The following TPD52 variants were observed in gnomAD, a reference collection of about 807,000 sequenced individuals.
TPD52 encodes the protein tumor protein D52, also known as prostate and colon associated protein.
TPD52 carries 17 observed loss-of-function variants against 31.3 expected under a neutral mutation model. That is an observed-to-expected ratio of 0.54 (90% CI 0.37 to 0.82). The LOEUF (loss-of-function observed/expected upper bound fraction) is 0.82, where lower values mean the gene tolerates loss of function less well. Among genes scored for constraint, TPD52 ranks in the 40% least tolerant of loss-of-function variants. The pLI is 0.00. For missense variants in TPD52, 212 were observed against 240.1 expected, an observed-to-expected ratio of 0.88 and a Z score of 0.77; for synonymous variants, 83 against 89.6, an observed-to-expected ratio of 0.93 and a Z score of 0.42.
chr8:80,165,757 A>G (rs1299644781), intron 1 of TPD52, among the ~76,000 whole-genome samples: 1 of 152,188 alleles, frequency 6.6e-6, no homozygotes, highest in Non-Finnish European at 1.5e-5. Flanking sequence ...CACTTCCTTG[A>G]GTCTTCATTC....
intron 1 of TPD52, among the ~76,000 whole-genome samples, chr8:80,133,910 T>C (rs1243340439): frequency 2.6e-5 from 4 of 152,142 alleles, no homozygotes; most frequent in Non-Finnish European, 5.9e-5. Context: ...GTTTATATTG[T>C]AGCAAGTCAG....
intron 5 of TPD52, among the ~76,000 whole-genome samples, chr8:80,049,427 A>G (rs2130496921): frequency 6.6e-6 from 1 of 152,328 alleles, no homozygotes; most frequent in Admixed American, 6.5e-5. Context: ...TTTTTTAAGC[A>G]TAATTTTAGC....
At position 80,035,321 on chromosome 8, in the gene TPD52, C is replaced by T. The variant is rs1461315344; in HGVS notation, c.*2795G>A. On this transcript the variant is annotated 3_prime_UTR_variant, in exon 8 of 8. Coordinates refer to ENST00000518937, the MANE Select transcript of TPD52 (RefSeq NM_001025253.3). ...ACACAAACATCATTCTGACAAATGA[C>T]CTTAATGTAGGATCTCTTTGGACAC... 1 of 152,160 alleles carries T rather than the reference C, an allele frequency of 6.6e-6. No individual in the cohort carries two copies. The highest frequency in any genetic ancestry group is 1.5e-5 in the Non-Finnish European group (1 of 68,022). The allele number at this position is 152,160 out of a possible 1,614,324, so 9.4% of individuals were successfully genotyped here. A position where few individuals can be genotyped will look rare whatever the true frequency, so the allele number is the denominator to read the frequency against.
In TPD52 at chr8:80,171,464, T is replaced by C. The variant is rs2131301120; in HGVS notation, c.-21A>G. 6.3e-7 allele frequency: 1 copy of C among 1,582,052 alleles called. No homozygotes were observed. Among genetic ancestry groups the C allele is most frequent in the South Asian group, 1.1e-5 (1 of 89,336 alleles). The stretch of plus-strand genomic sequence containing the variant: ...TCCATGTCTCCAGCCCGCCGCCTCG[T>C]GTCCTCTGCAGCACCCCCGCCTGCA... On this transcript the variant is annotated 5_prime_UTR_variant, in exon 1 of 8. Coordinates refer to ENST00000518937, the MANE Select transcript of TPD52 (RefSeq NM_001025253.3).
chr8:80,058,186 A>C (rs746012991), intron 2 of TPD52, among the ~76,000 whole-genome samples: 4 of 152,334 alleles, frequency 2.6e-5, no homozygotes, highest in Non-Finnish European at 5.9e-5. Context: ...CATTTTGGCC[A>C]TGTTGCTATA....
intron 1 of TPD52, among the ~76,000 whole-genome samples, chr8:80,118,239 G>A (rs1401914360): frequency 6.6e-6 from 1 of 152,120 alleles, no homozygotes; most frequent in Non-Finnish European, 1.5e-5. Flanking sequence ...TGGTGCTGGG[G>A]AAAATGGATA....
intron 2 of TPD52, among the ~76,000 whole-genome samples, chr8:80,056,301 T>C (rs1281731060): frequency 6.6e-6 from 1 of 152,204 alleles, no homozygotes; most frequent in African/African-American, 2.4e-5. Flanking sequence ...TACTCACATG[T>C]GGACGCCAAG....
At chr8:80,085,565 G>A (rs963070541) in intron 1 of TPD52, among the ~76,000 whole-genome samples, 9 of 152,080 alleles carry the variant, frequency 5.9e-5, no homozygotes, top group Non-Finnish European at 1.3e-4. Context: ...GCAGCTGGCT[G>A]GAAGGGGCTC....
chr8:80,094,799 T>A (rs1483329872), intron 1 of TPD52, among the ~76,000 whole-genome samples: 1 of 151,692 alleles, frequency 6.6e-6, no homozygotes, highest in East Asian at 1.9e-4. Context: ...AGAGTTGAAA[T>A]AAGTTGGAAC....
At chr8:80,136,199 C>G (rs1809395867) in intron 1 of TPD52, among the ~76,000 whole-genome samples, 1 of 72,010 alleles carries the variant, frequency 1.4e-5, no homozygotes, top group Non-Finnish European at 3.2e-5. Context: ...AACAAGCACA[C>G]TCACACACAC....
chr8:80,153,302 G>A (rs1030688178), intron 1 of TPD52, among the ~76,000 whole-genome samples: 4 of 152,182 alleles, frequency 2.6e-5, no homozygotes, highest in Non-Finnish European at 4.4e-5. Context: ...CACGGGGCCC[G>A]CACGGTGAGC....
Position 80,152,590 on chromosome 8 carries a change from G to A in TPD52, c.19+18835C>T, listed in dbSNP as rs146886301. ...GAGGTCAGGAGTCCGAGACCAGCCG[G>A]GTCAACATGGTGAAACCCCATCTCT... On this transcript the variant is annotated intron_variant, in intron 1 of 7. Coordinates refer to ENST00000518937, the MANE Select transcript of TPD52 (RefSeq NM_001025253.3). Among the ~76,000 whole-genome samples the A allele has an allele frequency of 5.3e-3, 810 of 152,056 alleles. 6 individuals are homozygous for A. Among genetic ancestry groups the A allele is most frequent in the African/African-American group, 0.019 (772 of 41,458 alleles).
At chr8:80,032,051 G>T (rs537544199), downstream of TPD52, among the ~76,000 whole-genome samples, 2 of 151,656 alleles carry the variant, frequency 1.3e-5, no homozygotes, top group East Asian at 3.9e-4. Context: ...CACTCAGGAG[G>T]CTGAGGCAGG....
intron 1 of TPD52, among the ~76,000 whole-genome samples, chr8:80,085,275 G>C (rs1815650906): frequency 6.6e-6 from 1 of 152,214 alleles, no homozygotes; most frequent in Admixed American, 6.5e-5. Context: ...GTACTGCAGG[G>C]TAATAACCGG....
At chr8:80,115,159 T>C (rs1807776766) in intron 1 of TPD52, among the ~76,000 whole-genome samples, 1 of 152,208 alleles carries the variant, frequency 6.6e-6, no homozygotes, top group Admixed American at 6.5e-5. Flanking sequence ...AGGGCTGCCC[T>C]ACATTCAACC....
At chr8:80,083,709 T>C (rs1310841157) in intron 1 of TPD52, among the ~76,000 whole-genome samples, 8 of 152,176 alleles carry the variant, frequency 5.3e-5, no homozygotes, top group Admixed American at 3.9e-4. Context: ...TCTCAGGTAT[T>C]TCCCCATAGC....
intron 1 of TPD52, among the ~76,000 whole-genome samples, chr8:80,070,170 T>G (rs1162127321): frequency 6.6e-6 from 1 of 152,120 alleles, no homozygotes; most frequent in Non-Finnish European, 1.5e-5. Context: ...AATAAGAGTT[T>G]GAGGAGCGCC....
In TPD52 at chr8:80,080,429, A is replaced by AT. The variant is rs754527080; in HGVS notation, c.20-15837dup. The stretch of plus-strand genomic sequence containing the variant: ...TCAAACGGGGACTGGTAGTCCTCAT[A>AT]TAAGTCCATCTCTCTACAATCCATT... On this transcript the variant is annotated intron_variant, in intron 1 of 7. Transcript: ENST00000518937. 2.5e-6 allele frequency: 4 copies of AT among 1,614,054 alleles called. No individual in the cohort carries two copies. The African/African-American group carries it at 4.0e-5, about 16-fold the overall frequency.
chr8:80,032,152 CAAAAAAAAAAAAAA>C (rs150988844), downstream of TPD52, among the ~76,000 whole-genome samples: 13 of 56,544 alleles, frequency 2.3e-4, no homozygotes, highest in African/African-American at 5.5e-4. Flanking sequence ...GACTCCAGCT[CAAAAAAAAAAAAAA>C]AAAAAAAAAA....
Sources: gnomAD v4.1 joint callset for allele counts (sites outside exome capture counted in the v4.1 genomes callset) on GRCh38, gnomAD v4.1.1 for gene constraint, MANE v1.5 for transcripts, NCBI Gene and HGNC (gene_info 2026-07-23, HGNC 2026-07-21) for gene names.